Variants in AP2S1 observed in about 807,000 individuals in gnomAD.
The protein encoded by AP2S1 is adaptor related protein complex 2 subunit sigma 1.
AP2S1 carries 6 observed loss-of-function variants against 21.0 expected under a neutral mutation model. The observed-to-expected ratio is 0.29, with a 90% confidence interval of 0.16 to 0.56. The LOEUF (loss-of-function observed/expected upper bound fraction) is 0.56, where lower values mean the gene tolerates loss of function less well. Ranked by LOEUF, AP2S1 falls within the 20% of genes least tolerant of loss-of-function variation. The probability of loss-of-function intolerance (pLI) is 0.92; values close to 1 mark genes in which losing one functional copy is unlikely to be tolerated. For synonymous variants in AP2S1, 63 were observed against 74.6 expected (o/e 0.84, Z 0.80); for missense variants, 60 against 186.2 (o/e 0.32, Z 3.95).
intron 2 of AP2S1, among the ~76,000 whole-genome samples, chr19:46,845,204 C>T (rs757638198): frequency 2.0e-5 from 3 of 150,372 alleles, no homozygotes; most frequent in South Asian, 2.1e-4. Flanking sequence ...GTCAGGAGTT[C>T]GAGACCAGCC....
rs771792607 is a variant in AP2S1, at chr19:46,839,286, CAAAAAAAAAAAAAAAAAAAA to C, written c.267+159_267+178del. 2.2e-3 allele frequency among the ~76,000 whole-genome samples: 164 copies of C among 72,930 alleles called. 2 individuals are homozygous for C. In the South Asian group the frequency reaches 0.04, roughly 18 times the overall value. 47.8% of individuals were successfully genotyped at this position (72,930 alleles called of 152,430 possible). A position where few individuals can be genotyped will look rare whatever the true frequency, so the allele number is the denominator to read the frequency against. On this transcript the variant is annotated intron_variant, in intron 3 of 4. Coordinates refer to ENST00000263270, the MANE Select transcript of AP2S1 (RefSeq NM_004069.6). ...TGGGCGACAGAACAAGACTCCGTCT[CAAAAAAAAAAAAAAAAAAAA>C]AAAAAAAAAAAGAAAAAGAAAAAAA...
At chr19:46,849,987 A>C in intron 1 of AP2S1, 1 of 674,072 alleles carries the variant, frequency 1.5e-6, no homozygotes. Flanking sequence ...GGATAGGGGC[A>C]CTCCTAAATC....
Position 46,838,856 on chromosome 19 carries a change from C to A in AP2S1, c.268-57G>T. The A allele has an allele frequency of 6.6e-7, 1 of 1,515,678 alleles. No homozygotes were observed. The highest frequency in any genetic ancestry group is 9.1e-7 in the Non-Finnish European group (1 of 1,093,086). 93.9% of individuals were successfully genotyped at this position (1,515,678 alleles called of 1,614,324 possible). A position where few individuals can be genotyped will look rare whatever the true frequency, so the allele number is the denominator to read the frequency against. On this transcript the variant is annotated intron_variant, in intron 3 of 4. Transcript: ENST00000263270. The surrounding 1 kb of genome is among the most constrained non-coding windows in gnomAD (Gnocchi z 4.1). Reference sequence around the variant, plus strand: ...GGGCAGGGAGAGAGCCACACACGCACAGAGATGGGAACAAGGTCATCAGAA... The same window carrying A: ...GGGCAGGGAGAGAGCCACACACGCAAAGAGATGGGAACAAGGTCATCAGAA...
At position 46,838,372 on chromosome 19, in the gene AP2S1, G is replaced by T; in HGVS notation, c.*75C>A. On this transcript the variant is annotated 3_prime_UTR_variant, in exon 5 of 5. Coordinates refer to ENST00000263270, the MANE Select transcript of AP2S1 (RefSeq NM_004069.6). The surrounding 1 kb of genome is among the most constrained non-coding windows in gnomAD (Gnocchi z 4.1). Reference sequence around the variant, plus strand: ...CAGCTGAGGGAAGGACTGCTGGGTTGGCCACGGGCCTGGGAAGGGGAAGCG... The same window carrying T: ...CAGCTGAGGGAAGGACTGCTGGGTTTGCCACGGGCCTGGGAAGGGGAAGCG... 2 of 1,446,130 alleles carry T rather than the reference G, an allele frequency of 1.4e-6. No individual in the cohort carries two copies. Among genetic ancestry groups the T allele is most frequent in the Non-Finnish European group, 9.7e-7 (1 of 1,033,990 alleles). 89.6% of individuals were successfully genotyped at this position (1,446,130 alleles called of 1,614,324 possible). A position where few individuals can be genotyped will look rare whatever the true frequency, so the allele number is the denominator to read the frequency against.
At chr19:46,846,821 A>G (rs957879383) in intron 1 of AP2S1, among the ~76,000 whole-genome samples, 3 of 151,944 alleles carry the variant, frequency 2.0e-5, no homozygotes, top group Non-Finnish European at 2.9e-5. Flanking sequence ...ACCCGCCACC[A>G]CGCCTGGAAA....
chr19:46,840,720 A>ATTTTTTTTTT (rs781138883), intron 2 of AP2S1, among the ~76,000 whole-genome samples: 1 of 110,724 alleles, frequency 9.0e-6, no homozygotes, highest in Non-Finnish European at 1.7e-5. Flanking sequence ...AGTCTTCGGC[A>ATTTTTTTTTT]TTTTTTTTTT....
At chr19:46,842,311 A>C (rs1382510736) in intron 2 of AP2S1, among the ~76,000 whole-genome samples, 1 of 151,972 alleles carries the variant, frequency 6.6e-6, no homozygotes, top group Non-Finnish European at 1.5e-5. Context: ...GCCCTCCCCC[A>C]GCCAGGCTCC....
At position 46,838,418 on chromosome 19, in the gene AP2S1, G is replaced by T. The variant is rs746817249; in HGVS notation, c.*29C>A. 3 of 1,608,494 alleles carry T rather than the reference G, an allele frequency of 1.9e-6. No homozygotes were observed. The highest frequency in any genetic ancestry group is 2.6e-6 in the Non-Finnish European group (3 of 1,175,462). ...AAGCGAGCAGGCGAGTCCAGGAGGGGCCGGGGCCGGGGTGGGGCTCGCCTG... is the reference window on the plus strand; with the variant it reads ...AAGCGAGCAGGCGAGTCCAGGAGGGTCCGGGGCCGGGGTGGGGCTCGCCTG... On this transcript the variant is annotated 3_prime_UTR_variant, in exon 5 of 5. Transcript: ENST00000263270. This position sits in a 1 kb window ranked among gnomAD's most constrained non-coding sequence, Gnocchi z 4.1.
chr19:46,845,654 C>CA (rs35438658), intron 2 of AP2S1: 717 of 160,542 alleles, frequency 4.5e-3, no homozygotes, highest in East Asian at 7.4e-3. Context: ...AAAATTTGAC[C>CA]AAAAAAAAAA....
At position 46,838,190 on chromosome 19, in the gene AP2S1, T is replaced by C; in HGVS notation, c.*257A>G. 1 of 516,306 alleles carries C rather than the reference T, an allele frequency of 1.9e-6. No individual in the cohort carries two copies. The highest frequency in any genetic ancestry group is 3.5e-6 in the Non-Finnish European group (1 of 284,122). 32.0% of individuals were successfully genotyped at this position (516,306 alleles called of 1,614,324 possible). A position where few individuals can be genotyped will look rare whatever the true frequency, so the allele number is the denominator to read the frequency against. On this transcript the variant is annotated 3_prime_UTR_variant, in exon 5 of 5. Transcript: ENST00000263270. The surrounding 1 kb of genome is among the most constrained non-coding windows in gnomAD (Gnocchi z 4.1). ...AGGCCAGGCAGGACCACAGGTTTAT[T>C]GGGGACTCCACGCACAGACGCTTAT...
intron 2 of AP2S1, among the ~76,000 whole-genome samples, chr19:46,845,189 A>G (rs1456953571): frequency 2.0e-5 from 3 of 150,690 alleles, no homozygotes; most frequent in South Asian, 4.2e-4. Context: ...AGGGTGGATT[A>G]CAAGGTCAGG....
chr19:46,844,036 G>C (rs979001401), intron 2 of AP2S1, among the ~76,000 whole-genome samples: 3 of 151,762 alleles, frequency 2.0e-5, no homozygotes, highest in Non-Finnish European at 4.4e-5. Context: ...TCAGCCTCCC[G>C]AGTAGCTGGG....
chr19:46,849,599 A>G (rs978436374), intron 1 of AP2S1, among the ~76,000 whole-genome samples: 14 of 151,564 alleles, frequency 9.2e-5, no homozygotes, highest in Non-Finnish European at 1.3e-4. Flanking sequence ...TCCCTTGTAT[A>G]CCTCTCCCTG....
At chr19:46,844,062 G>A (rs954976006) in intron 2 of AP2S1, among the ~76,000 whole-genome samples, 4 of 151,906 alleles carry the variant, frequency 2.6e-5, no homozygotes, top group Non-Finnish European at 4.4e-5. Context: ...AGGCACCCAC[G>A]ACCAGGCCCG....
intron 2 of AP2S1, 182 bp from the exon 3 acceptor site, chr19:46,839,760 G>A (rs2055484328): frequency 2.0e-6 from 2 of 1,017,490 alleles, no homozygotes; most frequent in Middle Eastern, 2.9e-4. Flanking sequence ...CAGTGCAGCG[G>A]GGGCAGGCAT....
intron 2 of AP2S1, chr19:46,845,736 GA>G: frequency 2.6e-6 from 1 of 383,222 alleles, no homozygotes; most frequent in Non-Finnish European, 4.7e-6. Context: ...TATTAATACT[GA>G]TTAAATCTGG....
chr19:46,841,581 C>T (rs780882021), intron 2 of AP2S1, among the ~76,000 whole-genome samples: 1 of 152,178 alleles, frequency 6.6e-6, no homozygotes, highest in African/African-American at 2.4e-5. Context: ...CACTGCTGGT[C>T]GCCACTGTCT....
chr19:46,848,236 G>C (rs1425371079), intron 1 of AP2S1, among the ~76,000 whole-genome samples: 1 of 152,014 alleles, frequency 6.6e-6, no homozygotes, highest in Non-Finnish European at 1.5e-5. Context: ...AGGTGTGATG[G>C]GGGGCAGGGG....
At chr19:46,843,122 CG>C in intron 2 of AP2S1, among the ~76,000 whole-genome samples, 1 of 152,276 alleles carries the variant, frequency 6.6e-6, no homozygotes, top group East Asian at 1.9e-4. Context: ...CCATCCTACC[CG>C]GGGGCTCAAG....
Sources: gnomAD v4.1 joint callset for allele counts (sites outside exome capture counted in the v4.1 genomes callset) on GRCh38, gnomAD v4.1.1 for gene constraint, Gnocchi (gnomAD v3.1) non-coding constraint, MANE v1.5 for transcripts, NCBI Gene and HGNC (gene_info 2026-07-23, HGNC 2026-07-21) for gene names.